The following DNER variants were observed in gnomAD, a reference collection of about 807,000 sequenced individuals.
DNER encodes the protein delta and Notch-like epidermal growth factor-related receptor.
Under a neutral mutation model 78.2 loss-of-function variants are expected in DNER, and 33 were observed. That is an observed-to-expected ratio of 0.42 (90% CI 0.32 to 0.56). DNER has a LOEUF of 0.56. Among genes scored for constraint, DNER ranks in the 20% least tolerant of loss-of-function variants. The pLI is 0.11. For missense variants in DNER, 918 were observed against 975.3 expected (o/e 0.94, Z 0.78); for synonymous variants, 417 against 384.8 (o/e 1.08, Z -0.98).
intron 10 of DNER, among the ~76,000 whole-genome samples, chr2:229,400,018 T>C (rs934452161): frequency 6.6e-6 from 1 of 152,004 alleles, no homozygotes; most frequent in Non-Finnish European, 1.5e-5. Context: ...ATAAACACAA[T>C]ACTCTAGTTC....
chr2:229,585,624 C>T (rs943057825), intron 4 of DNER, among the ~76,000 whole-genome samples: 8 of 150,694 alleles, frequency 5.3e-5, no homozygotes, highest in African/African-American at 2.0e-4. Context: ...CGCGCCAGTG[C>T]ACTCCAGCCT....
At chr2:229,516,137 T>C (rs918117663) in intron 5 of DNER, among the ~76,000 whole-genome samples, 3 of 152,242 alleles carry the variant, frequency 2.0e-5, no homozygotes, top group African/African-American at 7.2e-5. Context: ...GTTTAACATA[T>C]TCATGACCAT....
At chr2:229,630,746 G>A (rs1294197956) in intron 1 of DNER, among the ~76,000 whole-genome samples, 3 of 152,044 alleles carry the variant, frequency 2.0e-5, no homozygotes, top group Non-Finnish European at 4.4e-5. Flanking sequence ...CCCAGGTAGT[G>A]AGCATAGTAT....
rs56042896 is a variant in DNER, at chr2:229,388,592, A to AAT, written c.1724-198_1724-197dup. 3.2e-3 allele frequency among the ~76,000 whole-genome samples: 185 copies of AAT among 57,830 alleles called. 1 individual carries two copies. The highest frequency in any genetic ancestry group is 4.7e-3 in the Non-Finnish European group (120 of 25,458). The allele number at this position is 57,830 out of a possible 152,430, so 37.9% of individuals were successfully genotyped here. On this transcript the variant is annotated intron_variant, in intron 10 of 12. Coordinates refer to ENST00000341772, the MANE Select transcript of DNER (RefSeq NM_139072.4). ...TTTACTTCAGTAAAACTAAAAAGGA[A>AAT]ATATATATATATATATATATATATA... is the stretch of plus-strand genomic sequence containing the variant.
At chr2:229,410,781 T>C (rs1481167930) in intron 9 of DNER, among the ~76,000 whole-genome samples, 1 of 152,214 alleles carries the variant, frequency 6.6e-6, no homozygotes, top group Admixed American at 6.5e-5. Context: ...CAATTATAAG[T>C]CTTTGTTGTT....
intron 7 of DNER, among the ~76,000 whole-genome samples, chr2:229,463,946 C>T (rs375380419): frequency 2.8e-4 from 42 of 152,272 alleles, no homozygotes; most frequent in African/African-American, 8.9e-4. Flanking sequence ...GTTGAAAGAC[C>T]AGCCCAGCCT....
At chr2:229,439,617 A>G (rs1249644776) in intron 8 of DNER, among the ~76,000 whole-genome samples, 4 of 152,238 alleles carry the variant, frequency 2.6e-5, no homozygotes, top group Non-Finnish European at 5.9e-5. Context: ...GACATTCTCA[A>G]CAGTGAAAGA....
chr2:229,544,293 T>C (rs1182691945), intron 5 of DNER, among the ~76,000 whole-genome samples: 1 of 152,150 alleles, frequency 6.6e-6, no homozygotes, highest in Non-Finnish European at 1.5e-5. Flanking sequence ...CTTGGCCTCC[T>C]GGAAGGAGCC....
chr2:229,596,876 G>A (rs1697723392), intron 1 of DNER, among the ~76,000 whole-genome samples: 1 of 147,826 alleles, frequency 6.8e-6, no homozygotes, highest in African/African-American at 2.4e-5. Context: ...AAATTTCTAA[G>A]GGGATTCAAA....
At chr2:229,437,528 G>A (rs1694147783) in intron 8 of DNER, among the ~76,000 whole-genome samples, 1 of 152,186 alleles carries the variant, frequency 6.6e-6, no homozygotes, top group Non-Finnish European at 1.5e-5. Flanking sequence ...AGGACATGCA[G>A]CAAATCTCCT....
chr2:229,622,443 A>G (rs543484661), intron 1 of DNER, among the ~76,000 whole-genome samples: 1 of 152,288 alleles, frequency 6.6e-6, no homozygotes, highest in South Asian at 2.1e-4. Flanking sequence ...GATACCTGCT[A>G]ATGTGACTTA....
intron 4 of DNER, among the ~76,000 whole-genome samples, chr2:229,574,553 T>C (rs1353235519): frequency 6.6e-6 from 1 of 152,182 alleles, no homozygotes; most frequent in Admixed American, 6.5e-5. Flanking sequence ...ACATGCACTG[T>C]CATGCAAAGA....
chr2:229,508,429 T>A (rs1397327941), intron 6 of DNER, among the ~76,000 whole-genome samples: 1 of 152,150 alleles, frequency 6.6e-6, no homozygotes, highest in Non-Finnish European at 1.5e-5. Context: ...TCCAACACTA[T>A]GGATGTCTTA....
intron 1 of DNER, among the ~76,000 whole-genome samples, chr2:229,671,111 AAAG>A (rs1455693133): frequency 6.6e-6 from 1 of 152,238 alleles, no homozygotes; most frequent in Non-Finnish European, 1.5e-5. Flanking sequence ...GAAAATATTA[AAAG>A]AAGGACAAGA....
intron 1 of DNER, among the ~76,000 whole-genome samples, chr2:229,639,953 C>T (rs1698588533): frequency 6.6e-6 from 1 of 152,214 alleles, no homozygotes; most frequent in Non-Finnish European, 1.5e-5. Flanking sequence ...TCCATTTGAA[C>T]TTGGATCTTA....
chr2:229,625,885 T>C (rs1261751256), intron 1 of DNER, among the ~76,000 whole-genome samples: 1 of 22,740 alleles, frequency 4.4e-5, no homozygotes, highest in East Asian at 5.3e-3. Flanking sequence ...TATGCAACTT[T>C]GTTTTTGTTG....
intron 5 of DNER, among the ~76,000 whole-genome samples, chr2:229,545,127 A>C (rs1471884434): frequency 6.6e-6 from 1 of 152,196 alleles, no homozygotes; most frequent in African/African-American, 2.4e-5. Context: ...GTGTATAACT[A>C]GAGACAAAAA....
At chr2:229,688,976 A>G (rs767251188) in intron 1 of DNER, among the ~76,000 whole-genome samples, 3 of 152,138 alleles carry the variant, frequency 2.0e-5, no homozygotes, top group Non-Finnish European at 4.4e-5. Flanking sequence ...ACAACACACA[A>G]TGGGGCCTGT....
intron 5 of DNER, among the ~76,000 whole-genome samples, chr2:229,528,500 G>C (rs572613790): frequency 6.6e-6 from 1 of 152,328 alleles, no homozygotes; most frequent in East Asian, 1.9e-4. Flanking sequence ...CCCAGGATCT[G>C]ATAGGGATAC....
Sources: gnomAD v4.1 joint callset for allele counts (sites outside exome capture counted in the v4.1 genomes callset) on GRCh38, gnomAD v4.1.1 for gene constraint, MANE v1.5 for transcripts, NCBI Gene and HGNC (gene_info 2026-07-23, HGNC 2026-07-21) for gene names.